Variants in TTC28 observed in about 807,000 individuals in gnomAD.
TTC28 encodes tetratricopeptide repeat protein 28.
TTC28 carries 61 observed loss-of-function variants against 198.0 expected under a neutral mutation model. The observed-to-expected ratio is 0.31, with a 90% CI of 0.25 to 0.38. The LOEUF (loss-of-function observed/expected upper bound fraction) is 0.38. Among genes scored for constraint, TTC28 ranks in the 10% least tolerant of loss-of-function variants. The probability of loss-of-function intolerance (pLI) is 1.00; values close to 1 mark genes in which losing one functional copy is unlikely to be tolerated. For synonymous variants in TTC28, 1,171 were observed against 1,297.8 expected (o/e 0.90, Z 2.10); for missense variants, 2,678 against 3,164.0 (o/e 0.85, Z 3.69).
intron 6 of TTC28, among the ~76,000 whole-genome samples, chr22:28,110,014 T>C (rs1047482941): frequency 3.3e-5 from 5 of 152,228 alleles, no homozygotes; most frequent in African/African-American, 1.2e-4. Context: ...TAGCTGGGCA[T>C]TTATTGTATC....
At chr22:28,174,462 C>T (rs117267414) in intron 5 of TTC28, among the ~76,000 whole-genome samples, 1,777 of 152,226 alleles carry the variant, frequency 0.012, 25 homozygotes, top group East Asian at 0.055. Context: ...AAGAAGTTTG[C>T]CCCAGTGATG....
intron 6 of TTC28, among the ~76,000 whole-genome samples, chr22:28,127,498 T>C (rs1193520867): frequency 6.6e-6 from 1 of 152,122 alleles, no homozygotes; most frequent in Non-Finnish European, 1.5e-5. Context: ...TCCAATAACA[T>C]AGCTGAGCAC....
intron 2 of TTC28, among the ~76,000 whole-genome samples, chr22:28,618,582 T>G (rs1262482016): frequency 2.0e-5 from 3 of 150,198 alleles, no homozygotes; most frequent in Non-Finnish European, 4.4e-5. Flanking sequence ...CTGGGGAGGC[T>G]GAGGCAGGAG....
intron 6 of TTC28, among the ~76,000 whole-genome samples, chr22:28,109,676 G>T (rs1354932246): frequency 6.6e-6 from 1 of 152,218 alleles, no homozygotes; most frequent in Non-Finnish European, 1.5e-5. Context: ...GGTAACTTGG[G>T]AGCTGGCTTT....
chr22:28,570,037 A>C (rs2050037115), intron 2 of TTC28, among the ~76,000 whole-genome samples: 1 of 152,246 alleles, frequency 6.6e-6, no homozygotes, highest in Non-Finnish European at 1.5e-5. Context: ...GGCTATTATT[A>C]AAAAGTCAAA....
chr22:28,183,179 C>A (rs1923871862), intron 5 of TTC28, among the ~76,000 whole-genome samples: 1 of 152,076 alleles, frequency 6.6e-6, no homozygotes, highest in Admixed American at 6.6e-5. Context: ...CCCACCTCAG[C>A]CTTCTGAGTA....
At chr22:28,280,923 T>C (rs1252167239) in intron 5 of TTC28, among the ~76,000 whole-genome samples, 1 of 152,152 alleles carries the variant, frequency 6.6e-6, no homozygotes, top group Non-Finnish European at 1.5e-5. Context: ...TCTCCCACTG[T>C]CTTCTGGTCT....
chr22:28,299,901 T>C (rs1318638077), intron 3 of TTC28, among the ~76,000 whole-genome samples: 6 of 152,102 alleles, frequency 3.9e-5, no homozygotes, highest in Admixed American at 3.9e-4. Flanking sequence ...TGGCTGCTTG[T>C]AAACAGAAAA....
At chr22:28,558,047 CT>C (rs1278678784) in intron 2 of TTC28, among the ~76,000 whole-genome samples, 1 of 151,944 alleles carries the variant, frequency 6.6e-6, no homozygotes, top group Admixed American at 6.6e-5. Context: ...GATTTTTTTA[CT>C]TTTGATAAAC....
At chr22:28,267,979 T>C (rs1468981976) in intron 5 of TTC28, among the ~76,000 whole-genome samples, 1 of 152,180 alleles carries the variant, frequency 6.6e-6, no homozygotes, top group African/African-American at 2.4e-5. Context: ...TATTTTACCT[T>C]ATTTAAACCT....
Position 27,983,080 on chromosome 22 carries a change from C to A in TTC28, c.6587G>T (p.Gly2196Val). The change falls in exon 23 of 23, where the codon GGC (glycine) becomes GTC (valine). Residue 2196 changes from glycine to valine, a missense_variant. Gly to Val is a moderately radical substitution (Grantham distance 109). This residue lies in a region of TTC28 where 622 missense variants were observed against 656.0 expected (regional missense o/e 0.95). Transcript: ENST00000397906. ...QVSKSNNPED[G>V]VQAPSSTAVF... Reference sequence around the variant, plus strand: ...AGCAGTGCTGCTGGGCGCCTGAACGCCGTCTTCAGGGTTATTACTCTTGCT... The same window carrying A: ...AGCAGTGCTGCTGGGCGCCTGAACGACGTCTTCAGGGTTATTACTCTTGCT... 6.4e-7 allele frequency: 1 copy of A among 1,551,758 alleles called. No individual in the cohort carries two copies. Among genetic ancestry groups the A allele is most frequent in the Non-Finnish European group, 8.7e-7 (1 of 1,147,006 alleles).
At chr22:28,358,841 C>A (rs754836379) in intron 2 of TTC28, among the ~76,000 whole-genome samples, 5 of 152,100 alleles carry the variant, frequency 3.3e-5, no homozygotes, top group Non-Finnish European at 5.9e-5. Flanking sequence ...TCCTCACTTG[C>A]GGCTTTCATT....
chr22:28,417,300 TAAAAAA>T (rs68164494), intron 2 of TTC28, among the ~76,000 whole-genome samples: 2 of 44,648 alleles, frequency 4.5e-5, no homozygotes, highest in South Asian at 1.7e-3. Context: ...CTGTCTCTAC[TAAAAAA>T]AAAAAAAAAA....
chr22:27,992,762 G>A, intron 18 of TTC28, 99 bp from the exon 19 acceptor site: 1 of 1,216,094 alleles, frequency 8.2e-7, no homozygotes, highest in Non-Finnish European at 1.1e-6. Flanking sequence ...CTTGGCATCG[G>A]TGGCATTTTT....
chr22:28,378,920 G>C (rs1316590046), intron 2 of TTC28, among the ~76,000 whole-genome samples: 6 of 151,982 alleles, frequency 3.9e-5, no homozygotes, highest in Non-Finnish European at 8.8e-5. Context: ...TTTAATAACT[G>C]TTATTGCTTA....
intron 2 of TTC28, among the ~76,000 whole-genome samples, chr22:28,327,494 G>T (rs1350419115): frequency 6.6e-6 from 1 of 152,108 alleles, no homozygotes; most frequent in Non-Finnish European, 1.5e-5. Flanking sequence ...ATATTAATCA[G>T]ATACCTTTAA....
intron 2 of TTC28, among the ~76,000 whole-genome samples, chr22:28,337,885 G>T (rs2145896557): frequency 6.6e-6 from 1 of 152,290 alleles, no homozygotes; most frequent in South Asian, 2.1e-4. Flanking sequence ...CTGTCTTTAT[G>T]ATGTTAGCTG....
intron 12 of TTC28, among the ~76,000 whole-genome samples, chr22:28,063,028 A>T (rs1437454452): frequency 6.6e-6 from 1 of 151,968 alleles, no homozygotes; most frequent in Non-Finnish European, 1.5e-5. Context: ...TCTGAAGAGT[A>T]TTTTTTTTCA....
intron 2 of TTC28, among the ~76,000 whole-genome samples, chr22:28,377,069 T>G (rs981927399): frequency 6.9e-6 from 1 of 144,362 alleles, no homozygotes; most frequent in Non-Finnish European, 1.5e-5. Context: ...AAAAAAAACA[T>G]GTAATACACA....
Sources: allele counts gnomAD v4.1 joint callset (sites outside exome capture counted in the v4.1 genomes callset), GRCh38; gene constraint gnomAD v4.1.1; regional missense constraint gnomAD v4.1.1; transcripts MANE v1.5; gene names NCBI Gene and HGNC (gene_info 2026-07-23, HGNC 2026-07-21).